Variants in IHO1 observed in about 807,000 individuals in gnomAD.
The protein encoded by IHO1 is interactor of HORMAD1 1.
In IHO1, 13 loss-of-function variants were observed where a neutral mutation model predicts 31.0. That is an observed-to-expected ratio of 0.42 (90% CI 0.27 to 0.67). The LOEUF (loss-of-function observed/expected upper bound fraction) is 0.67. IHO1 is among the 30% of genes least tolerant of loss of function. The probability of loss-of-function intolerance (pLI) is 0.24; values close to 1 mark genes in which losing one functional copy is unlikely to be tolerated. For synonymous variants in IHO1, 221 were observed against 248.4 expected (o/e 0.89, Z 1.04); for missense variants, 599 against 687.5 (o/e 0.87, Z 1.44).
intron 4 of IHO1, 66 bp from the exon 5 acceptor site, chr3:49,244,338 C>T (rs560256458): frequency 1.7e-5 from 16 of 967,478 alleles, no homozygotes; most frequent in Admixed American, 5.5e-5. Context: ...TTTATGGAAT[C>T]ATTTATGTTA....
chr3:49,231,058 T>G (rs1289461868), intron 2 of IHO1, among the ~76,000 whole-genome samples: 1 of 152,200 alleles, frequency 6.6e-6, no homozygotes, highest in African/African-American at 2.4e-5. Context: ...CTGATGTTAT[T>G]GCCCAACAGC....
chr3:49,221,770 C>T (rs1424360315), intron 2 of IHO1, among the ~76,000 whole-genome samples: 5 of 152,132 alleles, frequency 3.3e-5, no homozygotes, highest in African/African-American at 9.7e-5. Context: ...ACAAATTTGA[C>T]AAGGATGTTA....
chr3:49,192,929 T>C, the IHO1 span, among the ~76,000 whole-genome samples: 934 of 151,538 alleles, frequency 6.2e-3, 8 homozygotes, highest in African/African-American at 0.022. Context: ...TGAATGAATA[T>C]TCACTGTAGC....
At position 49,257,471 on chromosome 3, in the gene IHO1, A is replaced by T. The variant is rs1003317296; in HGVS notation, c.*189A>T. On this transcript the variant is annotated 3_prime_UTR_variant, in exon 8 of 8. Coordinates refer to ENST00000452691, the MANE Select transcript of IHO1 (RefSeq NM_001135197.2). ...GTACCAGGTGCTGCCCCTGACAAGG[A>T]TTAAGTGCATCCTTATTTATTGGAA... 1.7e-6 allele frequency: 1 copy of T among 602,400 alleles called. No individual in the cohort carries two copies. The highest frequency in any genetic ancestry group is 2.0e-5 in the South Asian group (1 of 49,842). The allele number at this position is 602,400 out of a possible 1,614,324, so 37.3% of individuals were successfully genotyped here. A position where few individuals can be genotyped will look rare whatever the true frequency, so the allele number is the denominator to read the frequency against.
Position 49,257,019 on chromosome 3 carries a change from C to T in IHO1, c.1522C>T (p.Pro508Ser). 1 of 1,614,140 alleles carries T rather than the reference C, an allele frequency of 6.2e-7. No individual in the cohort carries two copies. The highest frequency in any genetic ancestry group is 8.5e-7 in the Non-Finnish European group (1 of 1,180,018). Residue 508 changes from proline to serine, a missense_variant, in exon 8 of 8, where the codon CCC (proline) becomes TCC (serine). Physicochemically the swap from Pro to Ser is moderately conservative, Grantham distance 74. Transcript: ENST00000452691. Reference protein sequence around the residue: ...QPLHLQCPRSPRKPVCPILGG... With the variant: ...QPLHLQCPRSSRKPVCPILGG... ...TCTGCATCTGCAGTGTCCCAGGAGCCCCAGAAAACCAGTCTGCCCTATTCT... is the reference window on the plus strand; with the variant it reads ...TCTGCATCTGCAGTGTCCCAGGAGCTCCAGAAAACCAGTCTGCCCTATTCT...
intron 2 of IHO1, among the ~76,000 whole-genome samples, chr3:49,213,724 G>A (rs2046251436): frequency 6.6e-6 from 1 of 152,250 alleles, no homozygotes; most frequent in Non-Finnish European, 1.5e-5. Context: ...GGCGCAGGCT[G>A]GCTGCTCTGA....
chr3:49,222,045 T>G (rs934970905), intron 2 of IHO1, among the ~76,000 whole-genome samples: 5 of 152,066 alleles, frequency 3.3e-5, no homozygotes, highest in African/African-American at 1.2e-4. Context: ...TTTTGGAGAG[T>G]TAGTGATGCC....
chr3:49,210,403 A>ATT (rs1423860958), intron 1 of IHO1, among the ~76,000 whole-genome samples: 1 of 145,550 alleles, frequency 6.9e-6, no homozygotes. Context: ...CACCCTGCTA[A>ATT]TTTTTTTTTT....
chr3:49,220,386 C>T (rs1469757793), intron 2 of IHO1, among the ~76,000 whole-genome samples: 1 of 152,222 alleles, frequency 6.6e-6, no homozygotes, highest in African/African-American at 2.4e-5. Context: ...CTTGGTCTCG[C>T]TGACTTCAGG....
Position 49,255,752 on chromosome 3 carries a change from C to T in IHO1, c.636+259C>T, listed in dbSNP as rs575971057. ...TTTTAGTAGAGAGGGGGTTTTTCAC[C>T]ATGTTGGCCAGGATGGTCTCAATCT... On this transcript the variant is annotated intron_variant, in intron 7 of 7. Coordinates refer to ENST00000452691, the MANE Select transcript of IHO1 (RefSeq NM_001135197.2). Among the ~76,000 whole-genome samples, 27 of 151,968 alleles carry T rather than the reference C, an allele frequency of 1.8e-4. 1 individual carries two copies. In the South Asian group the frequency reaches 5.4e-3, roughly 30 times the overall value.
intron 1 of IHO1, among the ~76,000 whole-genome samples, chr3:49,200,328 G>A (rs1022102672): frequency 1.3e-5 from 2 of 151,860 alleles, no homozygotes; most frequent in Admixed American, 6.6e-5. Context: ...AGCAGGGCGT[G>A]GTGGCGCATG....
intron 2 of IHO1, among the ~76,000 whole-genome samples, chr3:49,233,890 T>C (rs1428606107): frequency 6.6e-6 from 1 of 152,162 alleles, no homozygotes; most frequent in Non-Finnish European, 1.5e-5. Context: ...CCACAAACAA[T>C]AGCATGAGCA....
chr3:49,210,504 TCTC>T (rs1338273709), intron 1 of IHO1, among the ~76,000 whole-genome samples: 2 of 151,194 alleles, frequency 1.3e-5, no homozygotes, highest in South Asian at 2.1e-4. Flanking sequence ...TTCCAGTGAT[TCTC>T]CTCCTCAACC....
At chr3:49,213,762 C>T (rs918849975) in intron 2 of IHO1, among the ~76,000 whole-genome samples, 1 of 152,242 alleles carries the variant, frequency 6.6e-6, no homozygotes, top group Middle Eastern at 3.2e-3. Flanking sequence ...CCCATGCCCA[C>T]CTGGAACTCG....
intron 2 of IHO1, among the ~76,000 whole-genome samples, chr3:49,230,570 T>A (rs1433201371): frequency 2.6e-5 from 4 of 152,196 alleles, no homozygotes; most frequent in East Asian, 1.9e-4. Flanking sequence ...ATTTTCACAG[T>A]GTTACATTAT....
the IHO1 span, chr3:49,191,935 G>T: frequency 1.4e-6 from 1 of 699,270 alleles, no homozygotes; most frequent in Non-Finnish European, 2.5e-6. Context: ...ATGACCTGTT[G>T]CCCCTTTGTC....
In IHO1 at chr3:49,256,191, G is replaced by A; in HGVS notation, c.694G>A (p.Ala232Thr). The A allele has an allele frequency of 1.2e-6, 2 of 1,614,088 alleles. No homozygotes were observed. Among genetic ancestry groups the A allele is most frequent in the Non-Finnish European group, 1.7e-6 (2 of 1,179,984 alleles). Reference protein sequence around the residue: ...SNLKHLEVLVAQQSQEFQQLC... With the variant: ...SNLKHLEVLVTQQSQEFQQLC... ...CCTGAAGCACCTTGAAGTTTTAGTT[G>A]CTCAGCAGAGTCAGGAATTCCAGCA... Residue 232 changes from alanine to threonine, a missense_variant, in exon 8 of 8, where the codon GCT becomes ACT. By Grantham distance (58) the Ala-to-Thr change is moderately conservative (BLOSUM62 0). Coordinates refer to ENST00000452691, the MANE Select transcript of IHO1 (RefSeq NM_001135197.2). This position sits in a 1 kb window ranked among gnomAD's most constrained non-coding sequence, Gnocchi z 4.6.
intron 1 of IHO1, chr3:49,200,511 G>GAAAGAAAGAAAGAAAGAAAGAAAGAAAGA (rs1575560971): frequency 1.3e-6 from 1 of 757,148 alleles, no homozygotes; most frequent in Admixed American, 7.4e-5. Context: ...AAGAAAGAAA[G>GAAAGAAAGAAAGAAAGAAAGAAAGAAAGA]AAAGAAAAGA....
In IHO1 at chr3:49,256,197, CA is replaced by C; in HGVS notation, c.701del (p.Gln234ArgfsTer12). On this transcript the variant is annotated frameshift_variant, in exon 8 of 8. Coordinates refer to ENST00000452691, the MANE Select transcript of IHO1 (RefSeq NM_001135197.2). LOFTEE classifies it low-confidence loss of function (END_TRUNC). The surrounding 1 kb of genome is among the most constrained non-coding windows in gnomAD (Gnocchi z 4.6). ...LKHLEVLVAQ[Q>X]SQEFQQLCEQ... ...GCACCTTGAAGTTTTAGTTGCTCAG[CA>C]GAGTCAGGAATTCCAGCAGCTGTGT... The C allele has an allele frequency of 6.2e-7, 1 of 1,614,108 alleles. No homozygotes were observed. The highest frequency in any genetic ancestry group is 8.5e-7 in the Non-Finnish European group (1 of 1,179,994).
Sources: gnomAD v4.1 joint callset for allele counts (sites outside exome capture counted in the v4.1 genomes callset) on GRCh38, gnomAD v4.1.1 for gene constraint, Gnocchi (gnomAD v3.1) non-coding constraint, MANE v1.5 for transcripts, NCBI Gene and HGNC (gene_info 2026-07-23, HGNC 2026-07-21) for gene names.